Variants in MCM9 observed in about 807,000 individuals in gnomAD.
MCM9 encodes the protein DNA helicase MCM9.
A neutral mutation model predicts 72.8 loss-of-function variants in MCM9; 55 were observed. That is an observed-to-expected ratio of 0.76 (90% confidence interval 0.61 to 0.95). MCM9 has a LOEUF of 0.95. MCM9 is among the 40% of genes least tolerant of loss of function. The pLI, the probability that MCM9 is intolerant of heterozygous loss-of-function variation, is 0.00. For missense variants in MCM9, 1,279 were observed against 1,377.0 expected, an observed-to-expected ratio of 0.93 and a Z score of 1.13; for synonymous variants, 480 against 503.4, an observed-to-expected ratio of 0.95 and a Z score of 0.62.
In MCM9 at chr6:118,814,735, T is replaced by C. The variant is rs1274823084; in HGVS notation, c.*89A>G. 1 of 1,270,554 alleles carries C rather than the reference T, an allele frequency of 7.9e-7. No homozygotes were observed. The highest frequency in any genetic ancestry group is 2.6e-5 in the East Asian group (1 of 39,188). The allele number at this position is 1,270,554 out of a possible 1,614,324, so 78.7% of individuals were successfully genotyped here. On this transcript the variant is annotated 3_prime_UTR_variant, in exon 14 of 14. Coordinates refer to ENST00000619706, the MANE Select transcript of MCM9 (RefSeq NM_017696.3). ...GAGTGATCCTCAATATGGCCAATTGTTCTATACATTTATAAATACCATATT... is the reference window on the plus strand; with the variant it reads ...GAGTGATCCTCAATATGGCCAATTGCTCTATACATTTATAAATACCATATT...
chr6:118,868,127 G>A (rs566632713), intron 8 of MCM9, among the ~76,000 whole-genome samples: 11 of 151,894 alleles, frequency 7.2e-5, no homozygotes, highest in South Asian at 2.1e-4. Context: ...CACCCACCTC[G>A]GCCTCCCAAA....
chr6:118,905,026 T>C (rs1256695833), intron 8 of MCM9, among the ~76,000 whole-genome samples: 1 of 152,116 alleles, frequency 6.6e-6, no homozygotes, highest in Admixed American at 6.5e-5. Flanking sequence ...TTAATAGAGA[T>C]GGGGTTTCAT....
chr6:118,894,293 C>T (rs926907132), intron 8 of MCM9: 12 of 1,482,398 alleles, frequency 8.1e-6, no homozygotes, highest in Non-Finnish European at 1.1e-5. Flanking sequence ...TCTCAAGTCG[C>T]CGCTGCACGA....
At chr6:118,861,902 C>T in intron 8 of MCM9, among the ~76,000 whole-genome samples, 1 of 152,188 alleles carries the variant, frequency 6.6e-6, no homozygotes, top group African/African-American at 2.4e-5. Context: ...CTTCCTGCCA[C>T]CATCAACATG....
chr6:118,843,655 T>TATATATACAC (rs1491542240), intron 9 of MCM9, among the ~76,000 whole-genome samples: 31 of 38,592 alleles, frequency 8.0e-4, no homozygotes, highest in East Asian at 2.5e-3. Flanking sequence ...TATATATATA[T>TATATATACAC]GTGTATATAT....
intron 9 of MCM9, among the ~76,000 whole-genome samples, chr6:118,831,529 A>T (rs1774562214): frequency 6.6e-6 from 1 of 152,156 alleles, no homozygotes; most frequent in East Asian, 1.9e-4. Context: ...GGATGAAGAC[A>T]GTGCCAGGAC....
intron 8 of MCM9, chr6:118,893,979 C>A: frequency 2.0e-6 from 2 of 982,848 alleles, no homozygotes; most frequent in Non-Finnish European, 2.4e-6. Context: ...CTCTCCGCGC[C>A]GCCGCCGGCG....
chr6:118,833,385 A>C (rs2114576390), intron 9 of MCM9, among the ~76,000 whole-genome samples: 1 of 152,268 alleles, frequency 6.6e-6, no homozygotes, highest in South Asian at 2.1e-4. Context: ...AGGCCCAGTA[A>C]ATTTTCTCAG....
At chr6:118,844,712 C>CT (rs200910914) in intron 9 of MCM9, among the ~76,000 whole-genome samples, 1 of 151,658 alleles carries the variant, frequency 6.6e-6, no homozygotes, top group Non-Finnish European at 1.5e-5. Context: ...CCTCGCCATC[C>CT]TTTTTGCCTG....
intron 8 of MCM9, among the ~76,000 whole-genome samples, chr6:118,862,153 A>G (rs1480325043): frequency 6.6e-6 from 1 of 152,220 alleles, no homozygotes; most frequent in Non-Finnish European, 1.5e-5. Context: ...AGGAAAAGGT[A>G]CTTCCAAGCC....
At chr6:118,863,028 C>T (rs900365378) in intron 8 of MCM9, among the ~76,000 whole-genome samples, 1 of 152,064 alleles carries the variant, frequency 6.6e-6, no homozygotes, top group Non-Finnish European at 1.5e-5. Flanking sequence ...AGGTCAGAAA[C>T]TCAGATCTAT....
chr6:118,916,154 A>G (rs1583656204), intron 6 of MCM9, among the ~76,000 whole-genome samples: 1 of 151,818 alleles, frequency 6.6e-6, no homozygotes, highest in Non-Finnish European at 1.5e-5. Context: ...GGAGTTCAAG[A>G]CCAGCCTGGG....
chr6:118,855,751 G>A (rs1164763098), intron 9 of MCM9, among the ~76,000 whole-genome samples: 1 of 152,070 alleles, frequency 6.6e-6, no homozygotes, highest in Non-Finnish European at 1.5e-5. Context: ...CTGTTTGGTG[G>A]CCAGCCTTTG....
chr6:118,856,333 A>C, intron 9 of MCM9, 38 bp downstream of exon 9: 1 of 1,505,574 alleles, frequency 6.6e-7, no homozygotes, highest in Non-Finnish European at 8.8e-7. Context: ...TATATTAAAT[A>C]ATCTCATTAT....
chr6:118,900,560 T>C (rs1210086198), intron 8 of MCM9, among the ~76,000 whole-genome samples: 2 of 152,206 alleles, frequency 1.3e-5, no homozygotes, highest in East Asian at 3.8e-4. Flanking sequence ...AACTAGTGTT[T>C]CACAAAAGAG....
chr6:118,823,964 C>CA (rs1366694405), intron 13 of MCM9, among the ~76,000 whole-genome samples: 2 of 149,210 alleles, frequency 1.3e-5, no homozygotes, highest in Admixed American at 6.7e-5. Context: ...AAAAAGCCCC[C>CA]AAAATTATTG....
intron 6 of MCM9, among the ~76,000 whole-genome samples, chr6:118,915,910 C>T (rs1435713762): frequency 6.6e-6 from 1 of 152,154 alleles, no homozygotes; most frequent in Non-Finnish European, 1.5e-5. Flanking sequence ...ATTGCCAGCA[C>T]AAAGCACGTC....
rs570127818 is a variant in MCM9 at position 118,924,742 on chromosome 6, G to C, written c.305-615C>G. On this transcript the variant is annotated intron_variant, in intron 3 of 13. Transcript: ENST00000619706. The stretch of plus-strand genomic sequence containing the variant: ...TTTCAACATTAAAAAACAGGCAACA[G>C]AAAAGGTGCAAAATGCCAAAGAAAA... Among the ~76,000 whole-genome samples, 26 of 152,274 alleles carry C rather than the reference G, an allele frequency of 1.7e-4. No individual in the cohort carries two copies. The South Asian group carries it at 4.1e-3, about 24-fold the overall frequency.
intron 12 of MCM9, among the ~76,000 whole-genome samples, 167 bp from the exon 13 acceptor site, chr6:118,826,459 C>T (rs1006706858): frequency 6.6e-6 from 1 of 152,076 alleles, no homozygotes; most frequent in Middle Eastern, 3.2e-3. Flanking sequence ...TTCACTCCCC[C>T]AGTTCTTGGT....
Sources: allele counts gnomAD v4.1 joint callset (sites outside exome capture counted in the v4.1 genomes callset), GRCh38; gene constraint gnomAD v4.1.1; transcripts MANE v1.5; gene names NCBI Gene and HGNC (gene_info 2026-07-23, HGNC 2026-07-21).